Variants in TRPS1 observed in about 807,000 individuals in gnomAD.
The protein encoded by TRPS1 is transcriptional repressor GATA binding 1.
TRPS1 carries 6 observed loss-of-function variants against 101.2 expected under a neutral mutation model. The observed-to-expected ratio is 0.06, with a 90% CI of 0.03 to 0.12. The LOEUF (loss-of-function observed/expected upper bound fraction) is 0.12, where lower values mean the gene tolerates loss of function less well. Among genes scored for constraint, TRPS1 ranks in the 10% least tolerant of loss-of-function variants. TRPS1 has a pLI of 1.00. For missense variants in TRPS1, 1,363 were observed against 1,567.0 expected (o/e 0.87, Z 2.20); for synonymous variants, 578 against 589.8 (o/e 0.98, Z 0.29).
At chr8:115,659,259 T>C (rs779772273) in intron 1 of TRPS1, among the ~76,000 whole-genome samples, 3 of 151,988 alleles carry the variant, frequency 2.0e-5, no homozygotes, top group Non-Finnish European at 2.9e-5. Flanking sequence ...ACTTACTGAC[T>C]ACTTGTAAAT....
At chr8:115,445,576 C>T (rs1391985564) in intron 5 of TRPS1, among the ~76,000 whole-genome samples, 2 of 152,092 alleles carry the variant, frequency 1.3e-5, no homozygotes, top group Non-Finnish European at 2.9e-5. Flanking sequence ...TATGAGATCG[C>T]AAATTCGGAG....
intron 1 of TRPS1, among the ~76,000 whole-genome samples, chr8:115,634,797 G>A (rs1256715420): frequency 1.3e-5 from 2 of 151,108 alleles, no homozygotes; most frequent in East Asian, 3.9e-4. Context: ...TATATTAAAT[G>A]TGAGACATTA....
intron 4 of TRPS1, among the ~76,000 whole-genome samples, chr8:115,594,689 T>TG (rs1314200334): frequency 6.6e-6 from 1 of 152,012 alleles, no homozygotes; most frequent in African/African-American, 2.4e-5. Flanking sequence ...CCTTCCATGT[T>TG]TCAATGCACA....
intron 5 of TRPS1, among the ~76,000 whole-genome samples, chr8:115,485,784 T>A (rs1470408030): frequency 6.6e-6 from 1 of 152,164 alleles, no homozygotes; most frequent in East Asian, 1.9e-4. Context: ...AGAGATGATA[T>A]AATTTGGGAA....
intron 5 of TRPS1, among the ~76,000 whole-genome samples, chr8:115,570,669 C>T (rs1366490421): frequency 7.9e-6 from 1 of 125,956 alleles, no homozygotes. Context: ...GGAAAAACCT[C>T]AAAAAAAACA....
At chr8:115,632,563 T>A (rs1436837649) in intron 1 of TRPS1, among the ~76,000 whole-genome samples, 1 of 152,042 alleles carries the variant, frequency 6.6e-6, no homozygotes, top group Admixed American at 6.6e-5. Flanking sequence ...AAGCTAAATC[T>A]GTATCAGCAG....
chr8:115,552,289 T>C lies in TRPS1; in HGVS notation c.2700+34712A>G, dbSNP rs115262363. On this transcript the variant is annotated intron_variant, in intron 5 of 6. Coordinates refer to ENST00000395715, the MANE Select transcript of TRPS1 (RefSeq NM_014112.5). The stretch of plus-strand genomic sequence containing the variant: ...CTTTTCAAAAAAAAATTAAAGTATC[T>C]GTCTGAGGTCTACATGATGAATGAA... 2.1e-3 allele frequency among the ~76,000 whole-genome samples: 313 copies of C among 152,278 alleles called. 2 individuals are homozygous for C. Among genetic ancestry groups the C allele is most frequent in the African/African-American group, 7.1e-3 (295 of 41,560 alleles).
chr8:115,426,105 C>T (rs1813180208), intron 5 of TRPS1, among the ~76,000 whole-genome samples: 1 of 152,100 alleles, frequency 6.6e-6, no homozygotes, highest in Non-Finnish European at 1.5e-5. Context: ...TGTGTTTTCA[C>T]CCTTCCTTCA....
chr8:115,450,414 T>C (rs948336765), intron 5 of TRPS1, among the ~76,000 whole-genome samples: 2 of 152,198 alleles, frequency 1.3e-5, no homozygotes, highest in African/African-American at 4.8e-5. Context: ...TATTTAACTT[T>C]CAAATGCCTT....
At chr8:115,585,426 T>G (rs1474844008) in intron 5 of TRPS1, among the ~76,000 whole-genome samples, 4 of 152,152 alleles carry the variant, frequency 2.6e-5, no homozygotes, top group South Asian at 4.1e-4. Context: ...GAAGATGTCA[T>G]GGATGAAACC....
chr8:115,575,531 T>G (rs1201328095), intron 5 of TRPS1, among the ~76,000 whole-genome samples: 2 of 152,096 alleles, frequency 1.3e-5, no homozygotes, highest in Admixed American at 6.6e-5. Flanking sequence ...ATAATGAACA[T>G]ATATCTTGAT....
chr8:115,464,043 T>G (rs994537506), intron 5 of TRPS1, among the ~76,000 whole-genome samples: 1 of 151,958 alleles, frequency 6.6e-6, no homozygotes, highest in Non-Finnish European at 1.5e-5. Context: ...CTTCACATTC[T>G]TACCTCTTAG....
chr8:115,430,946 A>G (rs1214067875), intron 5 of TRPS1, among the ~76,000 whole-genome samples: 1 of 152,118 alleles, frequency 6.6e-6, no homozygotes, highest in Non-Finnish European at 1.5e-5. Flanking sequence ...AACTGAAAAA[A>G]AAATGAAGCA....
At chr8:115,627,460 T>C (rs544246678) in intron 1 of TRPS1, among the ~76,000 whole-genome samples, 1 of 151,832 alleles carries the variant, frequency 6.6e-6, no homozygotes, top group African/African-American at 2.4e-5. Context: ...CTATTTCAAC[T>C]GGTCTCTGGG....
chr8:115,642,372 T>C (rs1435663559), intron 1 of TRPS1, among the ~76,000 whole-genome samples: 1 of 151,584 alleles, frequency 6.6e-6, no homozygotes, highest in Non-Finnish European at 1.5e-5. Flanking sequence ...AGCAAAAAAA[T>C]AATACAGAAC....
chr8:115,560,431 G>A (rs1187050549), intron 5 of TRPS1, among the ~76,000 whole-genome samples: 1 of 152,140 alleles, frequency 6.6e-6, no homozygotes, highest in Non-Finnish European at 1.5e-5. Flanking sequence ...CGTTGCTAAG[G>A]TGTAAAGGGG....
intron 5 of TRPS1, among the ~76,000 whole-genome samples, chr8:115,521,081 T>A (rs1366752024): frequency 6.6e-6 from 1 of 151,872 alleles, no homozygotes; most frequent in Non-Finnish European, 1.5e-5. Context: ...ACAATAGAAG[T>A]TATCAATATT....
chr8:115,500,087 T>G (rs908752955), intron 5 of TRPS1, among the ~76,000 whole-genome samples: 6 of 152,032 alleles, frequency 3.9e-5, no homozygotes, highest in Non-Finnish European at 7.4e-5. Context: ...TGTTGTGCAG[T>G]GGCATGATCT....
intron 5 of TRPS1, among the ~76,000 whole-genome samples, chr8:115,554,461 C>T (rs1257878058): frequency 6.6e-6 from 1 of 152,136 alleles, no homozygotes; most frequent in Admixed American, 6.5e-5. Flanking sequence ...AATCTTTATT[C>T]CAAAAACATC....
Sources: allele counts gnomAD v4.1 joint callset (sites outside exome capture counted in the v4.1 genomes callset), GRCh38; gene constraint gnomAD v4.1.1; transcripts MANE v1.5; gene names NCBI Gene and HGNC (gene_info 2026-07-23, HGNC 2026-07-21).